Variants in CAMK4 observed in about 807,000 individuals in gnomAD.
CAMK4 encodes the protein calcium/calmodulin dependent protein kinase IV, also known as calcium/calmodulin-dependent protein kinase type IV.
Under a neutral mutation model 44.9 loss-of-function variants are expected in CAMK4, and 22 were observed. The observed-to-expected ratio is 0.49, with a 90% CI of 0.35 to 0.70. The LOEUF is 0.70. CAMK4 is among the 30% of genes least tolerant of loss of function. The pLI is 0.01. For missense variants in CAMK4, 498 were observed against 586.8 expected (o/e 0.85, Z 1.56); for synonymous variants, 218 against 215.4 (o/e 1.01, Z -0.11).
At chr5:111,340,780 A>C (rs1167870983) in intron 1 of CAMK4, among the ~76,000 whole-genome samples, 1 of 151,088 alleles carries the variant, frequency 6.6e-6, no homozygotes, top group East Asian at 2.0e-4. Flanking sequence ...GATTGGTATT[A>C]GTTTTTTTTA....
At chr5:111,308,483 T>C (rs1023270287) in intron 1 of CAMK4, among the ~76,000 whole-genome samples, 1 of 152,194 alleles carries the variant, frequency 6.6e-6, no homozygotes, top group African/African-American at 2.4e-5. Context: ...TTACTGTAGT[T>C]ATTACTTTTC....
chr5:111,410,568 AT>A (rs1752597886), intron 5 of CAMK4, among the ~76,000 whole-genome samples: 1 of 151,956 alleles, frequency 6.6e-6, no homozygotes, highest in Admixed American at 6.6e-5. Context: ...GGACCATAAA[AT>A]TTTTTTCCTT....
chr5:111,364,436 T>G (rs2112802796), intron 2 of CAMK4, among the ~76,000 whole-genome samples: 1 of 152,262 alleles, frequency 6.6e-6, no homozygotes, highest in East Asian at 1.9e-4. Context: ...CAGGAATATT[T>G]TAAGCCTATT....
At chr5:111,432,744 C>A (rs1753503982) in intron 5 of CAMK4, among the ~76,000 whole-genome samples, 2 of 150,950 alleles carry the variant, frequency 1.3e-5, no homozygotes, top group African/African-American at 4.9e-5. Context: ...AGAGCAAATT[C>A]TAGCCATTCC....
chr5:111,331,132 T>C (rs1238643178), intron 1 of CAMK4, among the ~76,000 whole-genome samples: 1 of 151,610 alleles, frequency 6.6e-6, no homozygotes, highest in Admixed American at 6.6e-5. Context: ...AATTAAAAGA[T>C]TATGATTATC....
intron 5 of CAMK4, among the ~76,000 whole-genome samples, chr5:111,446,212 A>G (rs1450208829): frequency 6.6e-6 from 1 of 152,222 alleles, no homozygotes; most frequent in Non-Finnish European, 1.5e-5. Flanking sequence ...GTTCTCTATA[A>G]TAACTCACAT....
intron 1 of CAMK4, among the ~76,000 whole-genome samples, chr5:111,288,648 T>G (rs1379628282): frequency 6.6e-6 from 1 of 152,248 alleles, no homozygotes; most frequent in African/African-American, 2.4e-5. Flanking sequence ...TTGAAAATAC[T>G]TTTATATTCT....
At chr5:111,262,388 G>A (rs1750027879) in intron 1 of CAMK4, among the ~76,000 whole-genome samples, 1 of 152,092 alleles carries the variant, frequency 6.6e-6, no homozygotes, top group Non-Finnish European at 1.5e-5. Context: ...GAGGCTGAGA[G>A]GGTACTATCT....
At chr5:111,374,057 CA>C (rs1751116418) in intron 2 of CAMK4, among the ~76,000 whole-genome samples, 1 of 152,018 alleles carries the variant, frequency 6.6e-6, no homozygotes, top group African/African-American at 2.4e-5. Flanking sequence ...TCATGGCAAG[CA>C]ACAGAAACTA....
chr5:111,415,894 T>C (rs1752798092), intron 5 of CAMK4, among the ~76,000 whole-genome samples: 1 of 152,222 alleles, frequency 6.6e-6, no homozygotes, highest in Admixed American at 6.5e-5. Context: ...ATTTACATTG[T>C]ACTAGTTATT....
At chr5:111,402,511 C>T (rs1025837339) in intron 5 of CAMK4, among the ~76,000 whole-genome samples, 1 of 152,170 alleles carries the variant, frequency 6.6e-6, no homozygotes, top group Non-Finnish European at 1.5e-5. Flanking sequence ...ATTTAACAGG[C>T]ATTATATTAT....
intron 5 of CAMK4, among the ~76,000 whole-genome samples, chr5:111,404,640 G>A (rs909671567): frequency 1.1e-4 from 17 of 152,110 alleles, no homozygotes; most frequent in African/African-American, 4.1e-4. Flanking sequence ...GTCTGTTTTT[G>A]TCAGTCTTAA....
In CAMK4 at chr5:111,318,587, G is replaced by C. The variant is rs1267220564; in HGVS notation, c.162-25437G>C. On this transcript the variant is annotated intron_variant, in intron 1 of 10. Transcript: ENST00000282356. ...ATACCAAGCTCTGATACCAGTCCTAGGCAATTCAACTTAGACAACACTGTC... is the reference window on the plus strand; with the variant it reads ...ATACCAAGCTCTGATACCAGTCCTACGCAATTCAACTTAGACAACACTGTC... 2.6e-5 allele frequency among the ~76,000 whole-genome samples: 4 copies of C among 152,230 alleles called. No homozygotes were observed. In the South Asian group the frequency reaches 6.2e-4, roughly 24 times the overall value.
At chr5:111,299,134 G>C (rs1161975461) in intron 1 of CAMK4, among the ~76,000 whole-genome samples, 4 of 152,246 alleles carry the variant, frequency 2.6e-5, no homozygotes, top group African/African-American at 7.2e-5. Flanking sequence ...GAGTGTAAGG[G>C]AAATGGCTGC....
At chr5:111,405,416 T>C (rs1752385432) in intron 5 of CAMK4, among the ~76,000 whole-genome samples, 1 of 151,902 alleles carries the variant, frequency 6.6e-6, no homozygotes. Context: ...TGCAGTGAGC[T>C]GAGATTGCAC....
chr5:111,281,951 G>A (rs1030163213), intron 1 of CAMK4, among the ~76,000 whole-genome samples: 1 of 151,740 alleles, frequency 6.6e-6, no homozygotes, highest in Non-Finnish European at 1.5e-5. Context: ...CCAGCTACTC[G>A]GGAGGCTGAG....
At chr5:111,254,190 C>G (rs1203066486) in intron 1 of CAMK4, among the ~76,000 whole-genome samples, 5 of 152,206 alleles carry the variant, frequency 3.3e-5, no homozygotes, top group African/African-American at 1.2e-4. Context: ...GGCCTTTGTT[C>G]TGCCTTCTAG....
chr5:111,235,311 G>A (rs1029918916), intron 1 of CAMK4, among the ~76,000 whole-genome samples: 21 of 152,102 alleles, frequency 1.4e-4, no homozygotes, highest in Middle Eastern at 3.4e-3. Context: ...AAAGCTCTCC[G>A]TCAGGGCAAC....
chr5:111,412,914 G>T lies in CAMK4; in HGVS notation c.459+18132G>T, dbSNP rs576794794. Among the ~76,000 whole-genome samples the T allele has an allele frequency of 1.3e-4, 20 of 152,270 alleles. No homozygotes were observed. In the South Asian group the frequency reaches 3.7e-3, roughly 28 times the overall value. ...CCTTAATTTATATGTAATTAAAAGTGGGTAAAAGTATGACTGCAGAATTGC... is the reference window on the plus strand; with the variant it reads ...CCTTAATTTATATGTAATTAAAAGTTGGTAAAAGTATGACTGCAGAATTGC... On this transcript the variant is annotated intron_variant, in intron 5 of 10. Coordinates refer to ENST00000282356, the MANE Select transcript of CAMK4 (RefSeq NM_001744.6).
Sources: gnomAD v4.1 joint callset for allele counts (sites outside exome capture counted in the v4.1 genomes callset) on GRCh38, gnomAD v4.1.1 for gene constraint, MANE v1.5 for transcripts, NCBI Gene and HGNC (gene_info 2026-07-23, HGNC 2026-07-21) for gene names.